The following CCDC171 variants were observed in gnomAD, a reference collection of about 807,000 sequenced individuals.
The protein encoded by CCDC171 is coiled-coil domain-containing protein 171.
A neutral mutation model predicts 168.2 loss-of-function variants in CCDC171; 177 were observed. The observed-to-expected ratio is 1.05, with a 90% CI of 0.93 to 1.19. The LOEUF (loss-of-function observed/expected upper bound fraction) is 1.19, where lower values mean the gene tolerates loss of function less well. Among genes scored for constraint, CCDC171 ranks in the 50% most tolerant of loss-of-function variants. The pLI is 0.00. For synonymous variants in CCDC171, 687 were observed against 540.8 expected (o/e 1.27, Z -3.75); for missense variants, 1,991 against 1,539.0 (o/e 1.29, Z -4.91).
chr9:15,991,490 A>T (rs1364058517), intron 3 of CCDC171, among the ~76,000 whole-genome samples: 1 of 150,250 alleles, frequency 6.7e-6, no homozygotes, highest in African/African-American at 2.5e-5. Context: ...AAGATCTAAA[A>T]TTGACACCCT....
chr9:16,039,652 C>T (rs1833540145), upstream of CCDC171, among the ~76,000 whole-genome samples: 1 of 152,222 alleles, frequency 6.6e-6, no homozygotes, highest in African/African-American at 2.4e-5. Context: ...TCCTCTTCCT[C>T]ATTCTTACAT....
At chr9:15,957,914 T>A (rs569263127) in intron 25 of CCDC171, among the ~76,000 whole-genome samples, 30 of 152,296 alleles carry the variant, frequency 2.0e-4, no homozygotes, top group African/African-American at 6.3e-4. Flanking sequence ...GAATAAAGAT[T>A]AGCATAGAAA....
chr9:15,769,324 A>G lies in CCDC171; in HGVS notation c.2672-8276A>G, dbSNP rs117182114. On this transcript the variant is annotated intron_variant, in intron 18 of 25. Transcript: ENST00000380701. ...GAGAGAGGGTCAAGAATATAGATTT[A>G]TGATTGGGTAGTATATTCCTTAAAT... is the stretch of plus-strand genomic sequence containing the variant. Among the ~76,000 whole-genome samples the G allele has an allele frequency of 7.4e-4, 113 of 152,312 alleles. 1 individual carries two copies. In the East Asian group the frequency reaches 0.021, roughly 28 times the overall value.
intron 24 of CCDC171, among the ~76,000 whole-genome samples, chr9:15,897,973 C>G (rs1402664645): frequency 6.6e-6 from 1 of 152,140 alleles, no homozygotes; most frequent in Non-Finnish European, 1.5e-5. Context: ...CATCACTGAA[C>G]CACAGTTTCT....
chr9:15,783,670 A>G (rs970905141), intron 20 of CCDC171, among the ~76,000 whole-genome samples: 1 of 152,134 alleles, frequency 6.6e-6, no homozygotes, highest in African/African-American at 2.4e-5. Context: ...AATGTTTTGA[A>G]CAGGAGATAA....
chr9:15,916,438 A>G (rs564723686), intron 24 of CCDC171, among the ~76,000 whole-genome samples: 2 of 152,138 alleles, frequency 1.3e-5, no homozygotes, highest in African/African-American at 4.8e-5. Flanking sequence ...TGAAGTATGT[A>G]TATAATTATA....
intron 21 of CCDC171, chr9:15,845,606 G>A (rs1234772803): frequency 1.3e-5 from 2 of 151,924 alleles, no homozygotes; most frequent in African/African-American, 4.8e-5. Flanking sequence ...TTTTACACAT[G>A]AAATTATAAC....
intron 11 of CCDC171, among the ~76,000 whole-genome samples, chr9:15,701,179 C>G (rs141120260): frequency 6.6e-6 from 1 of 152,102 alleles, no homozygotes; most frequent in Non-Finnish European, 1.5e-5. Context: ...TATTTTCTCC[C>G]ATTCTACAGG....
rs910208837 is a variant in CCDC171, at chr9:15,941,285, G to A, written c.3753+20863G>A. 2.0e-5 allele frequency among the ~76,000 whole-genome samples: 3 copies of A among 152,096 alleles called. No homozygotes were observed. In the East Asian group the frequency reaches 5.8e-4, roughly 30 times the overall value. Reference sequence around the variant, plus strand: ...AGTCAGGAATGCATAGAAAGTTAGTGTATTGGTTAATGGAGCTCGCCGGTA... The same window carrying A: ...AGTCAGGAATGCATAGAAAGTTAGTATATTGGTTAATGGAGCTCGCCGGTA... On this transcript the variant is annotated intron_variant, in intron 25 of 25. Coordinates refer to ENST00000380701, the MANE Select transcript of CCDC171 (RefSeq NM_173550.4).
chr9:15,718,967 A>T (rs2053272266), intron 11 of CCDC171, among the ~76,000 whole-genome samples: 1 of 152,192 alleles, frequency 6.6e-6, no homozygotes, highest in Non-Finnish European at 1.5e-5. Flanking sequence ...AGAAAACATG[A>T]CTTCAGCAAA....
chr9:15,851,474 G>A (rs970929047), intron 23 of CCDC171, among the ~76,000 whole-genome samples: 4 of 151,820 alleles, frequency 2.6e-5, no homozygotes, highest in South Asian at 4.2e-4. Flanking sequence ...AAATAAGAAC[G>A]AGAAGAAACA....
intron 20 of CCDC171, among the ~76,000 whole-genome samples, chr9:15,784,045 T>C (rs2057805953): frequency 6.6e-6 from 1 of 152,094 alleles, no homozygotes; most frequent in Non-Finnish European, 1.5e-5. Flanking sequence ...GATGGTATAA[T>C]AGAGTGATTG....
At chr9:15,945,764 T>C (rs1828284985) in intron 25 of CCDC171, among the ~76,000 whole-genome samples, 2 of 151,986 alleles carry the variant, frequency 1.3e-5, no homozygotes, top group Non-Finnish European at 2.9e-5. Context: ...GAGTTCATTG[T>C]AGATTCTGGA....
intron 24 of CCDC171, among the ~76,000 whole-genome samples, chr9:15,899,329 T>C (rs2794636): frequency 0.4 from 60,332 of 151,994 alleles, 12,237 homozygotes; most frequent in African/African-American, 0.43. Flanking sequence ...TGGGCACAAG[T>C]TTTCATTTTT....
intron 25 of CCDC171, among the ~76,000 whole-genome samples, chr9:15,926,935 C>T: frequency 6.6e-6 from 1 of 151,528 alleles, no homozygotes; most frequent in East Asian, 1.9e-4. Flanking sequence ...TACTGTATTA[C>T]CATTACTTGT....
the CCDC171 span, among the ~76,000 whole-genome samples, chr9:16,101,214 C>G: frequency 1.1e-4 from 16 of 152,232 alleles, no homozygotes; most frequent in Non-Finnish European, 1.8e-4. Flanking sequence ...CCTGTAGGCT[C>G]TCCACCTAGG....
intron 6 of CCDC171, among the ~76,000 whole-genome samples, chr9:15,597,351 A>G (rs1042232212): frequency 6.6e-6 from 1 of 152,176 alleles, no homozygotes. Context: ...AGTTTTTAGC[A>G]TGAAGGGTTG....
chr9:15,742,331 C>T (rs1212417395), intron 16 of CCDC171, among the ~76,000 whole-genome samples: 1 of 152,206 alleles, frequency 6.6e-6, no homozygotes, highest in African/African-American at 2.4e-5. Context: ...ACTCAGTCCT[C>T]TGTTATCTGT....
At chr9:15,580,327 C>T (rs773440355) in intron 4 of CCDC171, among the ~76,000 whole-genome samples, 1 of 152,014 alleles carries the variant, frequency 6.6e-6, no homozygotes, top group African/African-American at 2.4e-5. Context: ...TGACCAAGAT[C>T]CCAAAAGCAA....
Sources: allele counts gnomAD v4.1 joint callset (sites outside exome capture counted in the v4.1 genomes callset), GRCh38; gene constraint gnomAD v4.1.1; transcripts MANE v1.5; gene names NCBI Gene and HGNC (gene_info 2026-07-23, HGNC 2026-07-21).